GPC5: variants seen among roughly 807,000 people sequenced by gnomAD.
GPC5 encodes glypican-5.
In GPC5, 47 loss-of-function variants were observed where a neutral mutation model predicts 53.9. The observed-to-expected ratio is 0.87, with a 90% confidence interval of 0.69 to 1.11. The LOEUF is 1.11. Among genes scored for constraint, GPC5 ranks in the 50% most tolerant of loss-of-function variants. GPC5 has a pLI of 0.00. For missense variants in GPC5, 748 were observed against 713.1 expected (o/e 1.05, Z -0.56); for synonymous variants, 286 against 263.3 (o/e 1.09, Z -0.84).
At chr13:92,348,939 G>A (rs1359572558) in intron 7 of GPC5, among the ~76,000 whole-genome samples, 1 of 151,886 alleles carries the variant, frequency 6.6e-6, no homozygotes, top group Non-Finnish European at 1.5e-5. Flanking sequence ...TAAGAGGAAC[G>A]TTTATAACAA....
chr13:92,634,546 A>C (rs181999811), intron 7 of GPC5, among the ~76,000 whole-genome samples: 1 of 152,050 alleles, frequency 6.6e-6, no homozygotes, highest in Admixed American at 6.6e-5. Flanking sequence ...TATGCTTACC[A>C]TTCTGTACTT....
intron 7 of GPC5, among the ~76,000 whole-genome samples, chr13:92,154,536 T>C (rs1398426508): frequency 6.6e-6 from 1 of 152,194 alleles, no homozygotes; most frequent in Non-Finnish European, 1.5e-5. Flanking sequence ...ACCAATTCTT[T>C]TATATACATT....
At chr13:92,818,942 G>A (rs557220555) in intron 7 of GPC5, among the ~76,000 whole-genome samples, 9 of 151,990 alleles carry the variant, frequency 5.9e-5, no homozygotes, top group African/African-American at 1.9e-4. Context: ...GATTTTCATA[G>A]ACTTATTTGG....
intron 5 of GPC5, among the ~76,000 whole-genome samples, chr13:91,855,511 A>G (rs1168769843): frequency 9.9e-5 from 15 of 151,664 alleles, no homozygotes; most frequent in Admixed American, 9.9e-4. Context: ...CTGTGAAAAA[A>G]ATAGTGAGAT....
chr13:91,951,858 C>T (rs76315704), intron 6 of GPC5, among the ~76,000 whole-genome samples: 3,234 of 152,180 alleles, frequency 0.021, 101 homozygotes, highest in African/African-American at 0.074. Flanking sequence ...ATCAACATTT[C>T]GTTTGTCTAA....
chr13:92,824,086 C>T (rs192293663), intron 7 of GPC5, among the ~76,000 whole-genome samples: 2 of 152,144 alleles, frequency 1.3e-5, no homozygotes, highest in East Asian at 1.9e-4. Context: ...ATTCTTCTTC[C>T]TGATGTTGAA....
At chr13:91,988,061 C>A (rs1400745683) in intron 6 of GPC5, among the ~76,000 whole-genome samples, 1 of 146,456 alleles carries the variant, frequency 6.8e-6, no homozygotes, top group Non-Finnish European at 1.5e-5. Context: ...ATGAGGAATA[C>A]TATATATAGT....
At position 92,315,745 on chromosome 13, in the gene GPC5, G is replaced by C. The variant is rs1163860980; in HGVS notation, c.1561+170756G>C. On this transcript the variant is annotated intron_variant, in intron 7 of 7. Transcript: ENST00000377067. ...GAGATATGGATTGGAAAAATAATTA[G>C]TAAATGTATAAGGACTCTTTTCAAA... 2.6e-5 allele frequency among the ~76,000 whole-genome samples: 4 copies of C among 152,176 alleles called. No homozygotes were observed. The East Asian group carries it at 7.7e-4, about 29-fold the overall frequency.
At position 92,740,960 on chromosome 13, in the gene GPC5, G is replaced by GTGTGTGTATATATATATA. The variant is rs35795926; in HGVS notation, c.1562-125321_1562-125320insGTGTGTATATATATATAT. ...TGTATGTGTGTATATATATGTATGT[G>GTGTGTGTATATATATATA]TATATATATATCCTGCTGTAGCATA... On this transcript the variant is annotated intron_variant, in intron 7 of 7. Coordinates refer to ENST00000377067, the MANE Select transcript of GPC5 (RefSeq NM_004466.6). Among the ~76,000 whole-genome samples the GTGTGTGTATATATATATA allele has an allele frequency of 1.4e-4, 17 of 117,758 alleles. 1 individual carries two copies. Among genetic ancestry groups the GTGTGTGTATATATATATA allele is most frequent in the East Asian group, 4.6e-4 (2 of 4,356 alleles). The allele number at this position is 117,758 out of a possible 152,430, so 77.3% of individuals were successfully genotyped here. A position where few individuals can be genotyped will look rare whatever the true frequency, so the allele number is the denominator to read the frequency against.
At chr13:92,457,050 GT>G (rs1878296016) in intron 7 of GPC5, among the ~76,000 whole-genome samples, 1 of 151,744 alleles carries the variant, frequency 6.6e-6, no homozygotes, top group Admixed American at 6.6e-5. Context: ...CCATCTTTAT[GT>G]CCATGTGTAC....
rs1432067814 is a variant in GPC5, at chr13:91,582,186, T to G, written c.326-111001T>G. Among the ~76,000 whole-genome samples the G allele has an allele frequency of 3.3e-5, 5 of 152,136 alleles. No homozygotes were observed. The East Asian group carries it at 9.6e-4, about 29-fold the overall frequency. On this transcript the variant is annotated intron_variant, in intron 2 of 7. Transcript: ENST00000377067. ...AGTGGTTTAGACTCCAAAGATCTTGTCCTTAGGTGTAAGCTAATAGTAGAA... is the reference window on the plus strand; with the variant it reads ...AGTGGTTTAGACTCCAAAGATCTTGGCCTTAGGTGTAAGCTAATAGTAGAA...
intron 6 of GPC5, among the ~76,000 whole-genome samples, chr13:92,126,615 G>A (rs1219805822): frequency 6.6e-6 from 1 of 152,132 alleles, no homozygotes; most frequent in Non-Finnish European, 1.5e-5. Context: ...ATTATGTAAT[G>A]TCTATGGCTT....
In GPC5 at chr13:91,398,833, G is replaced by A; in HGVS notation, c.-214G>A. On this transcript the variant is annotated 5_prime_UTR_variant, in exon 1 of 8. Transcript: ENST00000377067. ...AGGGAAGAAGACCAGAGGGTGCTCA[G>A]CTGGAAAACTCTGGTGTCTCAGCTT... The A allele has an allele frequency of 1.9e-6, 1 of 529,666 alleles. No homozygotes were observed. The highest frequency in any genetic ancestry group is 3.3e-5 in the East Asian group (1 of 30,302). The allele number at this position is 529,666 out of a possible 1,614,324, so 32.8% of individuals were successfully genotyped here.
chr13:91,969,739 A>C lies in GPC5; in HGVS notation c.1401+61682A>C, dbSNP rs146036617. On this transcript the variant is annotated intron_variant, in intron 6 of 7. Coordinates refer to ENST00000377067, the MANE Select transcript of GPC5 (RefSeq NM_004466.6). ...AGAGATTTCACAAAATAAAACATAA[A>C]ATAGCCAACACGTTTATGAAAAGGT... 1.4e-4 allele frequency among the ~76,000 whole-genome samples: 21 copies of C among 152,318 alleles called. No homozygotes were observed. In the East Asian group the frequency reaches 4.1e-3, roughly 29 times the overall value.
At chr13:91,526,715 A>G (rs1886102293) in intron 2 of GPC5, among the ~76,000 whole-genome samples, 1 of 152,160 alleles carries the variant, frequency 6.6e-6, no homozygotes, top group Non-Finnish European at 1.5e-5. Flanking sequence ...TCACACTGTT[A>G]TAAAGAACTG....
chr13:91,885,092 G>A (rs2039308172), intron 5 of GPC5, among the ~76,000 whole-genome samples: 2 of 152,068 alleles, frequency 1.3e-5, no homozygotes, highest in South Asian at 4.1e-4. Flanking sequence ...TCCCCTTGCA[G>A]GATTTTGGCT....
chr13:92,653,314 G>C (rs1438855290), intron 7 of GPC5, among the ~76,000 whole-genome samples: 1 of 152,136 alleles, frequency 6.6e-6, no homozygotes, highest in East Asian at 1.9e-4. Context: ...TTCGTTTCTA[G>C]CATGCCCAAT....
At chr13:92,417,206 A>G (rs116808188) in intron 7 of GPC5, among the ~76,000 whole-genome samples, 1 of 152,196 alleles carries the variant, frequency 6.6e-6, no homozygotes, top group Non-Finnish European at 1.5e-5. Flanking sequence ...TTTCCAAAAA[A>G]TTTTTTCCAA....
At chr13:91,724,784 G>T (rs893838482) in intron 3 of GPC5, among the ~76,000 whole-genome samples, 2 of 152,144 alleles carry the variant, frequency 1.3e-5, no homozygotes, top group Admixed American at 6.5e-5. Context: ...TTGAGCCAGG[G>T]AGGTCAAGGC....
Sources: gnomAD v4.1 joint callset for allele counts (sites outside exome capture counted in the v4.1 genomes callset) on GRCh38, gnomAD v4.1.1 for gene constraint, MANE v1.5 for transcripts, NCBI Gene and HGNC (gene_info 2026-07-23, HGNC 2026-07-21) for gene names.